UMODL1: variants seen among roughly 807,000 people sequenced by gnomAD.
UMODL1 encodes uromodulin-like 1.
A neutral mutation model predicts 136.3 loss-of-function variants in UMODL1; 128 were observed. The ratio of observed to expected loss-of-function variants is 0.94; its 90% CI spans 0.81 to 1.09. The LOEUF (loss-of-function observed/expected upper bound fraction) is 1.09. Ranked by LOEUF, UMODL1 falls within the 50% of genes least tolerant of loss-of-function variation. The pLI, the probability that UMODL1 is intolerant of heterozygous loss-of-function variation, is 0.00. For synonymous variants in UMODL1, 721 were observed against 720.0 expected, an observed-to-expected ratio of 1.00 and a Z score of -0.02; for missense variants, 1,766 against 1,725.6, an observed-to-expected ratio of 1.02 and a Z score of -0.41.
intron 21 of UMODL1, among the ~76,000 whole-genome samples, chr21:42,130,441 A>G (rs555317389): frequency 3.3e-5 from 5 of 152,004 alleles, no homozygotes; most frequent in African/African-American, 1.2e-4. Context: ...AAAAAAAAAT[A>G]CATTGGTTTG....
intron 21 of UMODL1, among the ~76,000 whole-genome samples, chr21:42,132,690 C>T (rs899944580): frequency 3.9e-5 from 6 of 152,164 alleles, no homozygotes; most frequent in African/African-American, 7.2e-5. Flanking sequence ...GCAACATGCC[C>T]TCCCTACCTC....
At chr21:42,119,515 G>A (rs758144259) in intron 15 of UMODL1, among the ~76,000 whole-genome samples, 191 bp downstream of exon 15, 3 of 152,196 alleles carry the variant, frequency 2.0e-5, no homozygotes, top group African/African-American at 4.8e-5. Context: ...TTGTGTAAAG[G>A]TTGAAGTGTT....
At chr21:42,137,382 C>G (rs2067218637) in intron 21 of UMODL1, 57 bp from the exon 22 acceptor site, 2 of 1,594,200 alleles carry the variant, frequency 1.3e-6, no homozygotes, top group East Asian at 2.2e-5. Context: ...AGGGCTTGCT[C>G]TATCGCATTC....
At chr21:42,074,350 TTTAAC>T (rs2066263862) in intron 1 of UMODL1, among the ~76,000 whole-genome samples, 1 of 152,252 alleles carries the variant, frequency 6.6e-6, no homozygotes, top group Non-Finnish European at 1.5e-5. Context: ...ATGTCTCCAC[TTTAAC>T]TTGATACCCT....
In UMODL1 at chr21:42,115,870, C is replaced by A; in HGVS notation, c.2363-3C>A. On this transcript the variant is annotated splice_region_variant and splice_polypyrimidine_tract_variant and intron_variant, in intron 13 of 22. Transcript: ENST00000408910. ...CCAAATGTGCTTATCCTCCATCCTG[C>A]AGCAGCCCGGAAGCTCATTGGAAAG... The A allele has an allele frequency of 1.2e-6, 2 of 1,612,746 alleles. No individual in the cohort carries two copies. The highest frequency in any genetic ancestry group is 1.7e-6 in the Non-Finnish European group (2 of 1,178,816).
intron 9 of UMODL1, among the ~76,000 whole-genome samples, chr21:42,108,740 C>T (rs959321719): frequency 1.3e-5 from 2 of 151,974 alleles, no homozygotes; most frequent in East Asian, 1.9e-4. Context: ...CACCTTCATT[C>T]CCCTCAGGCG....
At chr21:42,138,222 A>T (rs1433372119) in intron 22 of UMODL1, among the ~76,000 whole-genome samples, 1 of 152,170 alleles carries the variant, frequency 6.6e-6, no homozygotes, top group East Asian at 1.9e-4. Context: ...TGAGATTTAA[A>T]TGGGAAGATG....
intron 5 of UMODL1, among the ~76,000 whole-genome samples, chr21:42,088,897 A>G (rs2066459151): frequency 1.3e-5 from 2 of 151,902 alleles, no homozygotes; most frequent in African/African-American, 4.8e-5. Flanking sequence ...CCTCTTTCCC[A>G]CCCTTGCCAA....
intron 17 of UMODL1, among the ~76,000 whole-genome samples, chr21:42,126,132 C>T (rs1375846400): frequency 6.6e-6 from 1 of 152,204 alleles, no homozygotes; most frequent in African/African-American, 2.4e-5. Context: ...GGTTCAGGTG[C>T]TGCCTCCTCT....
At chr21:42,077,262 A>G (rs1289446440) in intron 2 of UMODL1, among the ~76,000 whole-genome samples, 1 of 151,884 alleles carries the variant, frequency 6.6e-6, no homozygotes, top group African/African-American at 2.4e-5. Context: ...CACGAAGGGG[A>G]TCCTGCAGGA....
chr21:42,063,977 C>T (rs220268), intron 1 of UMODL1, among the ~76,000 whole-genome samples: 75,079 of 151,884 alleles, frequency 0.49, 19,190 homozygotes, highest in Admixed American at 0.65. Context: ...ATGCTCAGCG[C>T]CTGTGGGATG....
chr21:42,104,596 C>A (rs2069316549), intron 9 of UMODL1, among the ~76,000 whole-genome samples: 1 of 152,102 alleles, frequency 6.6e-6, no homozygotes, highest in African/African-American at 2.4e-5. Context: ...ATTATAGGCG[C>A]CTGCCACCAC....
At chr21:42,082,101 C>T (rs529552841) in intron 2 of UMODL1, among the ~76,000 whole-genome samples, 15 of 152,316 alleles carry the variant, frequency 9.8e-5, no homozygotes, top group East Asian at 1.9e-4. Flanking sequence ...ACAGCAAGGC[C>T]GGGCGCCAGG....
intron 4 of UMODL1, among the ~76,000 whole-genome samples, chr21:42,086,177 G>A (rs975039835): frequency 1.3e-5 from 2 of 152,230 alleles, no homozygotes; most frequent in Non-Finnish European, 1.5e-5. Flanking sequence ...CTTCAGGACC[G>A]GCTGCTGACA....
intron 13 of UMODL1, among the ~76,000 whole-genome samples, 171 bp downstream of exon 13, chr21:42,114,001 AG>A (rs1213744163): frequency 1.3e-5 from 2 of 152,260 alleles, no homozygotes; most frequent in Admixed American, 6.5e-5. Context: ...ACGGCCAGAC[AG>A]GAGGTGGCTT....
At position 42,076,155 on chromosome 21, in the gene UMODL1, G is replaced by A. The variant is rs774306477; in HGVS notation, c.227G>A (p.Arg76Gln). 55 of 1,614,146 alleles carry A rather than the reference G, an allele frequency of 3.4e-5. No homozygotes were observed. Among genetic ancestry groups the A allele is most frequent in the Non-Finnish European group, 4.3e-5 (51 of 1,180,054 alleles). The change falls in exon 2 of 23, where the codon CGG becomes CAG. Residue 76 changes from arginine (R) to glutamine (Q), a missense_variant. Coordinates refer to ENST00000408910, the MANE Select transcript of UMODL1 (RefSeq NM_001004416.3). ...AGGCGGTGCCCTAAGATGGTTTACCGGACACAGTACCTGGTAGTGGAGGTC... is the reference window on the plus strand; with the variant it reads ...AGGCGGTGCCCTAAGATGGTTTACCAGACACAGTACCTGGTAGTGGAGGTC... ...PWRRCPKMVY[R>Q]TQYLVVEVPE...
Position 42,110,935 on chromosome 21 carries a change from C to G in UMODL1, c.1713C>G (p.Val571=). The part of the protein sequence containing the change: ...GGLSAATGVT[V]PGLGTGTAAL... Reference sequence around the variant, plus strand: ...TGTCTGCGGCAACAGGGGTAACGGTCCCAGGTCTTGGCACGGGAACAGCAG... The same window carrying G: ...TGTCTGCGGCAACAGGGGTAACGGTGCCAGGTCTTGGCACGGGAACAGCAG... Residue 571 remains valine (V), a synonymous_variant, in exon 11 of 23, where the codon GTC becomes GTG. Transcript: ENST00000408910. The G allele has an allele frequency of 6.2e-7, 1 of 1,612,910 alleles. No individual in the cohort carries two copies. Among genetic ancestry groups the G allele is most frequent in the Non-Finnish European group, 8.5e-7 (1 of 1,179,736 alleles).
At chr21:42,136,265 G>A (rs141190431) in intron 21 of UMODL1, among the ~76,000 whole-genome samples, 2 of 152,272 alleles carry the variant, frequency 1.3e-5, no homozygotes, top group African/African-American at 4.8e-5. Flanking sequence ...ACGACTCAGT[G>A]GTGTTTAGTA....
At position 42,126,235 on chromosome 21, in the gene UMODL1, G is replaced by C. The variant is rs535572996; in HGVS notation, c.3148-110G>C. ...CAGGATCTCGATGCTGCTGGGGAGA[G>C]GCTTTAGAGAAGAACCCCCATCCCC... On this transcript the variant is annotated intron_variant, in intron 17 of 22. Transcript: ENST00000408910. 28 of 1,480,562 alleles carry C rather than the reference G, an allele frequency of 1.9e-5. No homozygotes were observed. The East Asian group carries it at 5.5e-4, about 29-fold the overall frequency. The allele number at this position is 1,480,562 out of a possible 1,614,324, so 91.7% of individuals were successfully genotyped here. A position where few individuals can be genotyped will look rare whatever the true frequency, so the allele number is the denominator to read the frequency against.
Sources: allele counts gnomAD v4.1 joint callset (sites outside exome capture counted in the v4.1 genomes callset), GRCh38; gene constraint gnomAD v4.1.1; transcripts MANE v1.5; gene names NCBI Gene and HGNC (gene_info 2026-07-23, HGNC 2026-07-21).